The following CELF4 variants were observed in gnomAD, a reference collection of about 807,000 sequenced individuals.
The protein encoded by CELF4 is CUG-BP- and ETR-3-like factor 4.
CELF4 carries 18 observed loss-of-function variants against 59.9 expected under a neutral mutation model. The ratio of observed to expected loss-of-function variants is 0.30; its 90% CI spans 0.21 to 0.45. The LOEUF is 0.45. CELF4 is among the 20% of genes least tolerant of loss of function. The pLI is 1.00. For missense variants in CELF4, 456 were observed against 689.0 expected (o/e 0.66, Z 3.79); for synonymous variants, 261 against 267.1 (o/e 0.98, Z 0.22).
intron 2 of CELF4, among the ~76,000 whole-genome samples, chr18:37,341,694 G>A (rs778562287): frequency 1.4e-4 from 22 of 152,298 alleles, no homozygotes; most frequent in Non-Finnish European, 1.5e-4. Flanking sequence ...CTCCAGAGGG[G>A]ACCCTGCCTG....
intron 2 of CELF4, among the ~76,000 whole-genome samples, chr18:37,472,459 A>G (rs2099836088): frequency 6.6e-6 from 1 of 152,280 alleles, no homozygotes; most frequent in South Asian, 2.1e-4. Context: ...TCTTGGAGAC[A>G]GAATCACTGA....
At chr18:37,425,530 T>G (rs187675685) in intron 2 of CELF4, among the ~76,000 whole-genome samples, 1 of 152,314 alleles carries the variant, frequency 6.6e-6, no homozygotes, top group Non-Finnish European at 1.5e-5. Context: ...GAATTCATAA[T>G]CAAATGATTT....
chr18:37,312,132 A>G (rs144024180), intron 3 of CELF4, among the ~76,000 whole-genome samples: 1,845 of 48,098 alleles, frequency 0.038, 18 homozygotes, highest in South Asian at 0.15. Context: ...AAAAAAAAAG[A>G]AAAAAAAAAA....
intron 3 of CELF4, among the ~76,000 whole-genome samples, chr18:37,281,365 A>G (rs2094121441): frequency 6.6e-6 from 1 of 152,248 alleles, no homozygotes; most frequent in African/African-American, 2.4e-5. Flanking sequence ...GCATTAAACA[A>G]TATTTCTTGC....
intron 3 of CELF4, among the ~76,000 whole-genome samples, chr18:37,313,759 G>A (rs111387783): frequency 3.3e-5 from 5 of 152,352 alleles, no homozygotes; most frequent in African/African-American, 7.2e-5. Context: ...TTTAAAAGCC[G>A]CAGGAACCGA....
chr18:37,362,910 A>G (rs1214496608), intron 2 of CELF4, among the ~76,000 whole-genome samples: 2 of 152,222 alleles, frequency 1.3e-5, no homozygotes, highest in Non-Finnish European at 2.9e-5. Context: ...GGTCTGGACC[A>G]GAGAGATGCT....
intron 11 of CELF4, among the ~76,000 whole-genome samples, chr18:37,256,140 TC>T (rs1195475226): frequency 1.3e-5 from 2 of 152,188 alleles, no homozygotes; most frequent in Non-Finnish European, 2.9e-5. Context: ...TCTTCCTTCT[TC>T]CAGAGCTACC....
intron 2 of CELF4, among the ~76,000 whole-genome samples, chr18:37,466,751 C>T (rs933325214): frequency 3.9e-5 from 6 of 152,106 alleles, no homozygotes; most frequent in Non-Finnish European, 8.8e-5. Flanking sequence ...CTGAGGTAGG[C>T]ATAGGAAATT....
At chr18:37,479,633 G>A (rs2099860771) in intron 2 of CELF4, among the ~76,000 whole-genome samples, 1 of 152,166 alleles carries the variant, frequency 6.6e-6, no homozygotes, top group African/African-American at 2.4e-5. Context: ...ATCCAGGTGA[G>A]ATACAGAGGA....
At chr18:37,516,095 T>C (rs1255576593) in intron 1 of CELF4, among the ~76,000 whole-genome samples, 2 of 152,162 alleles carry the variant, frequency 1.3e-5, no homozygotes, top group Non-Finnish European at 2.9e-5. Flanking sequence ...TTTAGGGTAT[T>C]AGACCTTTTC....
chr18:37,385,020 T>C (rs1004670196), intron 2 of CELF4, among the ~76,000 whole-genome samples: 2 of 152,146 alleles, frequency 1.3e-5, no homozygotes, highest in Non-Finnish European at 2.9e-5. Context: ...CTTATATTTG[T>C]CAGGCTGTGT....
intron 2 of CELF4, among the ~76,000 whole-genome samples, chr18:37,447,130 C>CTCT (rs1382233668): frequency 6.6e-6 from 1 of 152,202 alleles, no homozygotes; most frequent in Non-Finnish European, 1.5e-5. Flanking sequence ...AGGGCAGGGT[C>CTCT]TCATTATTGT....
At chr18:37,440,244 C>A (rs184301154) in intron 2 of CELF4, among the ~76,000 whole-genome samples, 8 of 152,236 alleles carry the variant, frequency 5.3e-5, no homozygotes, top group Admixed American at 3.9e-4. Context: ...TGAGGGGGAA[C>A]GTGCTGGAAC....
chr18:37,545,720 T>G, intron 1 of CELF4, among the ~76,000 whole-genome samples: 1 of 150,492 alleles, frequency 6.6e-6, no homozygotes, highest in East Asian at 1.9e-4. Context: ...GCCCCGTCTC[T>G]CTCTCTCACT....
intron 2 of CELF4, among the ~76,000 whole-genome samples, chr18:37,479,387 A>C (rs1437188288): frequency 6.6e-6 from 1 of 152,176 alleles, no homozygotes; most frequent in Admixed American, 6.5e-5. Flanking sequence ...CATTGTTGAC[A>C]CTTGGGGCCA....
intron 11 of CELF4, among the ~76,000 whole-genome samples, chr18:37,256,747 G>C (rs2069811095): frequency 6.6e-6 from 1 of 152,064 alleles, no homozygotes; most frequent in Non-Finnish European, 1.5e-5. Flanking sequence ...ACCACATCCA[G>C]CTAATTTTTG....
intron 2 of CELF4, among the ~76,000 whole-genome samples, chr18:37,444,734 C>T (rs2099743472): frequency 6.6e-6 from 1 of 151,874 alleles, no homozygotes; most frequent in Non-Finnish European, 1.5e-5. Flanking sequence ...TGGGGTGTTT[C>T]TCTGCACTGT....
intron 1 of CELF4, among the ~76,000 whole-genome samples, chr18:37,496,527 A>G (rs1205777002): frequency 6.6e-6 from 1 of 152,176 alleles, no homozygotes; most frequent in African/African-American, 2.4e-5. Flanking sequence ...CAACAACAAC[A>G]ATAAATTTTT....
In CELF4 at chr18:37,253,558, C is replaced by T. The variant is rs1315922636; in HGVS notation, c.*44+209G>A. Among the ~76,000 whole-genome samples, 3 of 152,204 alleles carry T rather than the reference C, an allele frequency of 2.0e-5. No individual in the cohort carries two copies. Among genetic ancestry groups the T allele is most frequent in the African/African-American group, 7.2e-5 (3 of 41,472 alleles). On this transcript the variant is annotated intron_variant, in intron 12 of 12. Coordinates refer to ENST00000420428, the MANE Select transcript of CELF4 (RefSeq NM_020180.4). The surrounding 1 kb of genome is among the most constrained non-coding windows in gnomAD (Gnocchi z 4.5). ...CTCCCTCACTCCTGCCCCTGGTGGC[C>T]CTGCCACAGGGAAATGGCCAGGCCC...
Sources: gnomAD v4.1 joint callset for allele counts (sites outside exome capture counted in the v4.1 genomes callset) on GRCh38, gnomAD v4.1.1 for gene constraint, Gnocchi (gnomAD v3.1) non-coding constraint, MANE v1.5 for transcripts, NCBI Gene and HGNC (gene_info 2026-07-23, HGNC 2026-07-21) for gene names.